Variants in PRPF40B observed in about 807,000 individuals in gnomAD.
The protein encoded by PRPF40B is pre-mRNA processing factor 40B, also known as pre-mRNA-processing factor 40 homolog B.
In PRPF40B, 56 loss-of-function variants were observed where a neutral mutation model predicts 124.5. The observed-to-expected ratio is 0.45, with a 90% CI of 0.36 to 0.56. The LOEUF is 0.56. Among genes scored for constraint, PRPF40B ranks in the 20% least tolerant of loss-of-function variants. The probability of loss-of-function intolerance (pLI) is 0.00; values close to 1 mark genes in which losing one functional copy is unlikely to be tolerated. For missense variants in PRPF40B, 1,053 were observed against 1,169.5 expected (o/e 0.90, Z 1.45); for synonymous variants, 443 against 426.4 (o/e 1.04, Z -0.48).
In PRPF40B at chr12:49,633,052, C is replaced by A. The variant is rs771249704; in HGVS notation, c.387C>A (p.Arg129=). The change falls in exon 7 of 26, where the codon CGC becomes CGA. Residue 129 remains arginine (R), a synonymous_variant. Coordinates refer to ENST00000548825, the MANE Select transcript of PRPF40B (RefSeq NM_001031698.3). ...GTGAGCATGTGGCCCCAGATGGGCGCATCTACTACTACAATGCTGACGACA... is the reference window on the plus strand; with the variant it reads ...GTGAGCATGTGGCCCCAGATGGGCGAATCTACTACTACAATGCTGACGACA... ...LWSEHVAPDG[R]IYYYNADDKQ... 1 of 1,565,638 alleles carries A rather than the reference C, an allele frequency of 6.4e-7. No individual in the cohort carries two copies. Among genetic ancestry groups the A allele is most frequent in the Non-Finnish European group, 8.7e-7 (1 of 1,154,336 alleles).
At chr12:49,623,874 T>A in intron 1 of PRPF40B, 1 of 993,692 alleles carries the variant, frequency 1.0e-6, no homozygotes, top group Non-Finnish European at 1.2e-6. Context: ...TGGGGGTGGG[T>A]TCGCGGAGAA....
intron 18 of PRPF40B, chr12:49,638,911 A>C (rs1422291542): frequency 6.6e-6 from 1 of 152,260 alleles, no homozygotes; most frequent in Non-Finnish European, 1.5e-5. Context: ...CATTTCTTTG[A>C]AGTACTGTTT....
chr12:49,634,175 C>G, intron 10 of PRPF40B, 83 bp downstream of exon 10: 4 of 1,575,870 alleles, frequency 2.5e-6, no homozygotes, highest in Non-Finnish European at 3.4e-6. Context: ...CTGGGCCTCT[C>G]TCTCAGGAGG....
rs1941130682 is a variant in PRPF40B, at chr12:49,630,633, T to C, written c.84+8T>C. 1 of 1,297,456 alleles carries C rather than the reference T, an allele frequency of 7.7e-7. No individual in the cohort carries two copies. The highest frequency in any genetic ancestry group is 1.1e-6 in the Non-Finnish European group (1 of 893,188). The allele number at this position is 1,297,456 out of a possible 1,614,324, so 80.4% of individuals were successfully genotyped here. A position where few individuals can be genotyped will look rare whatever the true frequency, so the allele number is the denominator to read the frequency against. On this transcript the variant is annotated splice_region_variant and intron_variant, in intron 2 of 25. Transcript: ENST00000548825. ...ATGATGCCACCACCCTTCGTAAGTTTTATGTCTTTCCCTGGGCTTGGCTTT... is the reference window on the plus strand; with the variant it reads ...ATGATGCCACCACCCTTCGTAAGTTCTATGTCTTTCCCTGGGCTTGGCTTT...
At chr12:49,628,648 A>G (rs1394435076) in intron 1 of PRPF40B, among the ~76,000 whole-genome samples, 4 of 149,234 alleles carry the variant, frequency 2.7e-5, no homozygotes, top group Admixed American at 2.0e-4. Context: ...CTCACTGCAA[A>G]CTCCGCCTCC....
Position 49,642,454 on chromosome 12 carries a change from G to C in PRPF40B, c.2022+82G>C, listed in dbSNP as rs1358761008. On this transcript the variant is annotated intron_variant, in intron 20 of 25. Coordinates refer to ENST00000548825, the MANE Select transcript of PRPF40B (RefSeq NM_001031698.3). This position sits in a 1 kb window ranked among gnomAD's most constrained non-coding sequence, Gnocchi z 5.8. ...ACCACTGAGGGCCCACCCCAGTCACGTCACAGCCCTGGGCCAGCTCCAGTT... is the reference window on the plus strand; with the variant it reads ...ACCACTGAGGGCCCACCCCAGTCACCTCACAGCCCTGGGCCAGCTCCAGTT... 6.3e-7 allele frequency: 1 copy of C among 1,578,890 alleles called. No individual in the cohort carries two copies. Among genetic ancestry groups the C allele is most frequent in the African/African-American group, 1.3e-5 (1 of 74,112 alleles).
intron 5 of PRPF40B, 30 bp from the exon 6 acceptor site, chr12:49,632,825 C>T (rs1565829415): frequency 2.5e-6 from 4 of 1,613,998 alleles, no homozygotes; most frequent in Non-Finnish European, 3.4e-6. Context: ...GGAGCAAGGA[C>T]TTAGTATGTA....
In PRPF40B at chr12:49,644,321, C is replaced by A; in HGVS notation, c.*129C>A. On this transcript the variant is annotated 3_prime_UTR_variant, in exon 26 of 26. Coordinates refer to ENST00000548825, the MANE Select transcript of PRPF40B (RefSeq NM_001031698.3). ...TTTTCTAAAGTAACCCCACCCCCAG[C>A]ACACCATTGTTGGCACCTCTCAAGG... 2.9e-6 allele frequency: 3 copies of A among 1,042,712 alleles called. No individual in the cohort carries two copies. The highest frequency in any genetic ancestry group is 1.5e-5 in the South Asian group (1 of 68,886). 64.6% of individuals were successfully genotyped at this position (1,042,712 alleles called of 1,614,324 possible). A position where few individuals can be genotyped will look rare whatever the true frequency, so the allele number is the denominator to read the frequency against.
At chr12:49,633,197 C>G (rs1193105487) in intron 7 of PRPF40B, 73 bp downstream of exon 7, 2 of 1,370,424 alleles carry the variant, frequency 1.5e-6, no homozygotes, top group Non-Finnish European at 2.0e-6. Context: ...TTCCCTTAGT[C>G]TCTAACCATA....
chr12:49,632,996 G>GCGC lies in PRPF40B; in HGVS notation c.349-17_349-16insGCC. On this transcript the variant is annotated splice_polypyrimidine_tract_variant and intron_variant, in intron 6 of 25. Transcript: ENST00000548825. Reference sequence around the variant, plus strand: ...AAAGGGGCCTTGACCACCATTCTGTGCCCCCCCCCCCACCCAGAGGGCCCT... The same window carrying GCGC: ...AAAGGGGCCTTGACCACCATTCTGTGCGCCCCCCCCCCCCACCCAGAGGGCCCT... 1 of 1,147,394 alleles carries GCGC rather than the reference G, an allele frequency of 8.7e-7. No individual in the cohort carries two copies. Among genetic ancestry groups the GCGC allele is most frequent in the Non-Finnish European group, 1.2e-6 (1 of 823,012 alleles). 71.1% of individuals were successfully genotyped at this position (1,147,394 alleles called of 1,614,324 possible).
intron 23 of PRPF40B, 139 bp downstream of exon 23, chr12:49,643,536 C>T (rs1942949878): frequency 7.3e-7 from 1 of 1,361,906 alleles, no homozygotes; most frequent in Non-Finnish European, 9.9e-7. Context: ...ACTTCCTCTA[C>T]CTGCCCAAGC....
In PRPF40B at chr12:49,635,377, G is replaced by T. The variant is rs754065819; in HGVS notation, c.1179G>T (p.Gln393His). Residue 393 changes from glutamine (Q) to histidine (H), a missense_variant, in exon 14 of 26, where the codon CAG becomes CAT. Physicochemically the swap from Gln to His is conservative, Grantham distance 24. This residue lies in a region of PRPF40B where 895 missense variants were observed against 1,052.2 expected (regional missense o/e 0.85). Transcript: ENST00000548825. The surrounding 1 kb of genome is among the most constrained non-coding windows in gnomAD (Gnocchi z 4.1). Reference protein sequence around the residue: ...TSTTRYRRAEQTFGELEVWAV... With the variant: ...TSTTRYRRAEHTFGELEVWAV... ...ATATGCTCCACAGGCGGGCAGAACA[G>T]ACCTTTGGGGAGCTGGAGGTCTGGG... is the stretch of plus-strand genomic sequence containing the variant. 1 of 1,613,804 alleles carries T rather than the reference G, an allele frequency of 6.2e-7. No individual in the cohort carries two copies. Among genetic ancestry groups the T allele is most frequent in the Non-Finnish European group, 8.5e-7 (1 of 1,179,820 alleles).
At position 49,634,412 on chromosome 12, in the gene PRPF40B, G is replaced by A. The variant is rs372880330; in HGVS notation, c.893G>A (p.Arg298Gln). The A allele has an allele frequency of 4.3e-6, 7 of 1,614,234 alleles. No individual in the cohort carries two copies. Among genetic ancestry groups the A allele is most frequent in the East Asian group, 4.5e-5 (2 of 44,886 alleles). ...AGGTCTGGCCTCAGTTGGAGCAACC[G>A]GGAGAAGGCAAAGCAGGCATTCAAG... ...PERSGLSWSN[R>Q]EKAKQAFKEL... The change falls in exon 11 of 26, where the codon CGG (arginine) becomes CAG (glutamine). Residue 298 changes from arginine to glutamine, a missense_variant. Around this residue, in one of 2 missense-constraint regions of PRPF40B, gnomAD observed 895 missense variants for 1,052.2 expected, o/e 0.85. Coordinates refer to ENST00000548825, the MANE Select transcript of PRPF40B (RefSeq NM_001031698.3).
chr12:49,633,889 A>G lies in PRPF40B; in HGVS notation c.609A>G (p.Lys203=). ...CGCCCTTCTGGCTCATCTGCAGGAAACAGCAGCAGCAGCTGCCACAGACAC... is the reference window on the plus strand; with the variant it reads ...CGCCCTTCTGGCTCATCTGCAGGAAGCAGCAGCAGCAGCTGCCACAGACAC... The part of the protein sequence containing the change: ...EVLVKQEAAG[K]QQQQLPQTLQ... The change falls in exon 10 of 26, where the codon AAA becomes AAG. Residue 203 remains lysine (K), a synonymous_variant. Coordinates refer to ENST00000548825, the MANE Select transcript of PRPF40B (RefSeq NM_001031698.3). The G allele has an allele frequency of 6.2e-7, 1 of 1,614,024 alleles. No homozygotes were observed. The highest frequency in any genetic ancestry group is 8.5e-7 in the Non-Finnish European group (1 of 1,179,982).
Position 49,643,210 on chromosome 12 carries a change from C to T in PRPF40B, c.2206-13C>T, listed in dbSNP as rs1359141044. 1.2e-6 allele frequency: 2 copies of T among 1,613,644 alleles called. No individual in the cohort carries two copies. Among genetic ancestry groups the T allele is most frequent in the Admixed American group, 3.3e-5 (2 of 59,914 alleles). On this transcript the variant is annotated splice_polypyrimidine_tract_variant and intron_variant, in intron 22 of 25. Coordinates refer to ENST00000548825, the MANE Select transcript of PRPF40B (RefSeq NM_001031698.3). ...GAACCTCTGCACTGACATGTATCTGCTGATCTGCCCAGGGCTCTGAGTCAG... is the reference window on the plus strand; with the variant it reads ...GAACCTCTGCACTGACATGTATCTGTTGATCTGCCCAGGGCTCTGAGTCAG...
In PRPF40B at chr12:49,644,213, C is replaced by A. The variant is rs1943047615; in HGVS notation, c.*21C>A. 6.2e-7 allele frequency: 1 copy of A among 1,613,506 alleles called. No homozygotes were observed. Among genetic ancestry groups the A allele is most frequent in the African/African-American group, 1.3e-5 (1 of 74,918 alleles). On this transcript the variant is annotated 3_prime_UTR_variant, in exon 26 of 26. Transcript: ENST00000548825. ...AGTGACCCAATGAGCTGTTCTCTGC[C>A]TCGGGTCTGTGTGAGGCCATGGCTC... is the stretch of plus-strand genomic sequence containing the variant.
Position 49,637,763 on chromosome 12 carries a change from A to G in PRPF40B, c.1706A>G (p.Tyr569Cys), listed in dbSNP as rs201538338. Residue 569 changes from tyrosine (Y) to cysteine (C), a missense_variant, in exon 18 of 26, where the codon TAT becomes TGT. Around this residue, in one of 2 missense-constraint regions of PRPF40B, gnomAD observed 895 missense variants for 1,052.2 expected, o/e 0.85. Transcript: ENST00000548825. Reference protein sequence around the residue: ...GSTPLDLFKFYVEELKARFHD... With the variant: ...GSTPLDLFKFCVEELKARFHD... ...ACCCCTCTGGACTTATTCAAGTTCT[A>G]TGTGGAGGAGTTGAAGGCACGATTC... 1.6e-5 allele frequency: 25 copies of G among 1,603,982 alleles called. No individual in the cohort carries two copies. The highest frequency in any genetic ancestry group is 2.2e-5 in the South Asian group (2 of 90,798).
At chr12:49,632,187 A>G (rs1941289284) in intron 4 of PRPF40B, 2 of 597,988 alleles carry the variant, frequency 3.3e-6, no homozygotes, top group East Asian at 2.8e-5. Flanking sequence ...TTATCCTCAC[A>G]GAGCCACACA....
intron 10 of PRPF40B, 31 bp downstream of exon 10, chr12:49,634,123 G>C: frequency 1.2e-6 from 2 of 1,603,086 alleles, no homozygotes; most frequent in Non-Finnish European, 1.7e-6. Flanking sequence ...CATTCCCAAT[G>C]TTGGCCTCAG....
Sources: allele counts gnomAD v4.1 joint callset (sites outside exome capture counted in the v4.1 genomes callset), GRCh38; gene constraint gnomAD v4.1.1; regional missense constraint gnomAD v4.1.1; non-coding constraint Gnocchi (gnomAD v3.1); transcripts MANE v1.5; gene names NCBI Gene and HGNC (gene_info 2026-07-23, HGNC 2026-07-21).